The following ARHGEF10L variants were observed in gnomAD, a reference collection of about 807,000 sequenced individuals.
ARHGEF10L encodes Rho guanine nucleotide exchange factor 10 like.
A neutral mutation model predicts 141.2 loss-of-function variants in ARHGEF10L; 69 were observed. The observed-to-expected ratio is 0.49, with a 90% CI of 0.40 to 0.60. The LOEUF (loss-of-function observed/expected upper bound fraction) is 0.60. ARHGEF10L is among the 20% of genes least tolerant of loss of function. ARHGEF10L has a pLI of 0.00. For missense variants in ARHGEF10L, 1,482 were observed against 1,734.3 expected (o/e 0.85, Z 2.58); for synonymous variants, 711 against 718.5 (o/e 0.99, Z 0.17).
intron 23 of ARHGEF10L, among the ~76,000 whole-genome samples, 191 bp from the exon 24 acceptor site, chr1:17,655,688 G>T (rs1271803360): frequency 6.6e-6 from 1 of 152,246 alleles, no homozygotes; most frequent in Non-Finnish European, 1.5e-5. Context: ...CTGATTTCCT[G>T]TGGGCCCTGA....
In ARHGEF10L at chr1:17,687,745, C is replaced by T. The variant is rs866231500; in HGVS notation, c.3182C>T (p.Pro1061Leu). The change falls in exon 27 of 29, where the codon CCA becomes CTA. Residue 1061 changes from proline to leucine, a missense_variant and splice_region_variant. By Grantham distance (98) the Pro-to-Leu change is moderately conservative (BLOSUM62 -3). This residue lies in a region of ARHGEF10L where 858 missense variants were observed against 966.3 expected (regional missense o/e 0.89). Transcript: ENST00000361221. ...NIATRTTFLL[P>L]GQKHLCVTSL... is the part of the protein sequence containing the mutation. ...GCCACCAGGACCACCTTCCTCCTGC[C>T]AGGTGAGGCTGCCTCGGGCACGGGG... is the stretch of plus-strand genomic sequence containing the variant. 1.9e-5 allele frequency: 30 copies of T among 1,575,684 alleles called. 1 individual carries two copies. In the Middle Eastern group the frequency reaches 1.4e-3, roughly 72 times the overall value.
chr1:17,572,488 G>A (rs2078044139), intron 1 of ARHGEF10L, among the ~76,000 whole-genome samples: 1 of 152,132 alleles, frequency 6.6e-6, no homozygotes, highest in Non-Finnish European at 1.5e-5. Context: ...ACTGGAGAGA[G>A]CCTCACCTCC....
the ARHGEF10L span, among the ~76,000 whole-genome samples, chr1:17,518,941 GGGT>G: frequency 2.4e-3 from 354 of 149,432 alleles, no homozygotes; most frequent in African/African-American, 8.2e-3. Context: ...AGGCCGAGGT[GGGT>G]GGATCACCTG....
intron 5 of ARHGEF10L, 35 bp downstream of exon 5, chr1:17,602,253 G>C (rs964900095): frequency 6.5e-7 from 1 of 1,546,310 alleles, no homozygotes; most frequent in Non-Finnish European, 8.8e-7. Flanking sequence ...CCCACCCCAG[G>C]TAGCAAGCTC....
chr1:17,634,832 C>G lies in ARHGEF10L; in HGVS notation c.1746-3C>G. The stretch of plus-strand genomic sequence containing the variant: ...CAGGGCCTTGTCCTCTCTGTTCCAA[C>G]AGGGGCCAGCTGGAGATCAGCAGCC... On this transcript the variant is annotated splice_polypyrimidine_tract_variant and splice_region_variant and intron_variant, in intron 17 of 28. Transcript: ENST00000361221. 6.2e-7 allele frequency: 1 copy of G among 1,611,574 alleles called. No individual in the cohort carries two copies. Among genetic ancestry groups the G allele is most frequent in the Non-Finnish European group, 8.5e-7 (1 of 1,178,840 alleles).
intron 15 of ARHGEF10L, among the ~76,000 whole-genome samples, chr1:17,629,601 G>A (rs1399046851): frequency 3.3e-5 from 5 of 152,174 alleles, no homozygotes; most frequent in Non-Finnish European, 7.4e-5. Flanking sequence ...AGATGGGGAG[G>A]GGACAGCGCC....
At chr1:17,609,994 C>CT (rs1442205835) in intron 7 of ARHGEF10L, among the ~76,000 whole-genome samples, 2 of 152,230 alleles carry the variant, frequency 1.3e-5, no homozygotes, top group African/African-American at 2.4e-5. Context: ...CTGGCCCAGC[C>CT]TTTTAGCCTC....
At chr1:17,543,252 G>A (rs1388542228) in intron 1 of ARHGEF10L, among the ~76,000 whole-genome samples, 2 of 152,112 alleles carry the variant, frequency 1.3e-5, no homozygotes, top group African/African-American at 4.8e-5. Context: ...CTAAATTTTA[G>A]GAATTTTATG....
intron 1 of ARHGEF10L, among the ~76,000 whole-genome samples, chr1:17,560,641 C>G (rs1318488681): frequency 6.6e-6 from 1 of 152,248 alleles, no homozygotes; most frequent in Non-Finnish European, 1.5e-5. Context: ...TCTCGGCTCA[C>G]CACAACCTCT....
At position 17,632,321 on chromosome 1, in the gene ARHGEF10L, C is replaced by T. The variant is rs1284268313; in HGVS notation, c.1585C>T (p.Leu529=). 6.2e-7 allele frequency: 1 copy of T among 1,613,846 alleles called. No individual in the cohort carries two copies. The highest frequency in any genetic ancestry group is 8.5e-7 in the Non-Finnish European group (1 of 1,180,034). Residue 529 remains leucine, a splice_region_variant and synonymous_variant, in exon 16 of 29, where the codon CTG becomes TTG. Transcript: ENST00000361221. ...SVSDRSSLNK[L]LTSGQRQLLL... ...CTGACCTTCCCTGCCCCTCCTCCAG[C>T]TGTTGACCTCAGGCCAGCGGCAGCT...
chr1:17,614,158 G>A lies in ARHGEF10L; in HGVS notation c.726+984G>A, dbSNP rs372124434. 4.6e-5 allele frequency among the ~76,000 whole-genome samples: 7 copies of A among 152,352 alleles called. No homozygotes were observed. In the East Asian group the frequency reaches 7.7e-4, roughly 17 times the overall value. On this transcript the variant is annotated intron_variant, in intron 8 of 28. Transcript: ENST00000361221. ...GTCTGCAGTGTGCCAGAGCTCAAAC[G>A]TCCTCCATCCTGCAGTGCTGCCCGC...
Position 17,549,513 on chromosome 1 carries a change from C to T in ARHGEF10L, c.-44+9563C>T, listed in dbSNP as rs574489068. On this transcript the variant is annotated intron_variant, in intron 1 of 28. Coordinates refer to ENST00000361221, the MANE Select transcript of ARHGEF10L (RefSeq NM_018125.4). ...CGTTAGCTGCAGGTGGTCAGGGAGG[C>T]CTCTCTGAAGAGAGACATTTAAGCC... 2.1e-4 allele frequency among the ~76,000 whole-genome samples: 32 copies of T among 152,128 alleles called. 1 individual carries two copies. Among genetic ancestry groups the T allele is most frequent in the African/African-American group, 4.8e-4 (20 of 41,494 alleles).
At chr1:17,580,278 G>A (rs971421537) in intron 1 of ARHGEF10L, among the ~76,000 whole-genome samples, 13 of 152,212 alleles carry the variant, frequency 8.5e-5, no homozygotes, top group African/African-American at 2.4e-4. Flanking sequence ...GGATGAGGAC[G>A]GACACCCAGC....
chr1:17,515,634 C>T, the ARHGEF10L span, among the ~76,000 whole-genome samples: 1 of 151,754 alleles, frequency 6.6e-6, no homozygotes, highest in South Asian at 2.1e-4. Flanking sequence ...TCTCTTTTTG[C>T]TTTTCTTTTT....
chr1:17,560,391 C>G lies in ARHGEF10L; in HGVS notation c.-43-20162C>G, dbSNP rs982212576. Among the ~76,000 whole-genome samples the G allele has an allele frequency of 2.7e-4, 41 of 152,306 alleles. 1 individual carries two copies. The highest frequency in any genetic ancestry group is 9.6e-4 in the African/African-American group (40 of 41,572). ...GGTCACAAGGCAATGCTATGTGTAT[C>G]AGAGGCACCTGAGGTTTGCTTTCTG... On this transcript the variant is annotated intron_variant, in intron 1 of 28. Coordinates refer to ENST00000361221, the MANE Select transcript of ARHGEF10L (RefSeq NM_018125.4).
At chr1:17,652,292 C>T (rs565700281) in intron 22 of ARHGEF10L, among the ~76,000 whole-genome samples, 8 of 152,246 alleles carry the variant, frequency 5.3e-5, no homozygotes, top group South Asian at 4.1e-4. Context: ...CCCCTGCCCA[C>T]GCTGGGCCAC....
chr1:17,532,789 T>C, the ARHGEF10L span, among the ~76,000 whole-genome samples: 1 of 151,974 alleles, frequency 6.6e-6, no homozygotes, highest in African/African-American at 2.4e-5. Context: ...GAGACGGGGT[T>C]TCCCTATATT....
intron 1 of ARHGEF10L, among the ~76,000 whole-genome samples, chr1:17,555,963 G>A (rs1178696573): frequency 6.6e-6 from 1 of 151,982 alleles, no homozygotes; most frequent in African/African-American, 2.4e-5. Context: ...TCCCAGGGAC[G>A]CTGGCTCACC....
rs974428170 is a variant in ARHGEF10L at position 17,697,774 on chromosome 1, A to G, written c.*394A>G. On this transcript the variant is annotated 3_prime_UTR_variant, in exon 29 of 29. Coordinates refer to ENST00000361221, the MANE Select transcript of ARHGEF10L (RefSeq NM_018125.4). This position sits in a 1 kb window ranked among gnomAD's most constrained non-coding sequence, Gnocchi z 4.8. ...GGCTGGTGTGTGAATATCTATAAATAAGTATATATGGTGTATATTATATGT... is the reference window on the plus strand; with the variant it reads ...GGCTGGTGTGTGAATATCTATAAATGAGTATATATGGTGTATATTATATGT... 2.3e-6 allele frequency: 1 copy of G among 428,638 alleles called. No homozygotes were observed. Among genetic ancestry groups the G allele is most frequent in the African/African-American group, 2.0e-5 (1 of 48,902 alleles). 26.6% of individuals were successfully genotyped at this position (428,638 alleles called of 1,614,324 possible). A position where few individuals can be genotyped will look rare whatever the true frequency, so the allele number is the denominator to read the frequency against.
Sources: allele counts gnomAD v4.1 joint callset (sites outside exome capture counted in the v4.1 genomes callset), GRCh38; gene constraint gnomAD v4.1.1; regional missense constraint gnomAD v4.1.1; non-coding constraint Gnocchi (gnomAD v3.1); transcripts MANE v1.5; gene names NCBI Gene and HGNC (gene_info 2026-07-23, HGNC 2026-07-21).